Variants in CFAP96 observed in about 807,000 individuals in gnomAD.
The protein encoded by CFAP96 is cilia and flagella associated protein 96.
the CFAP96 span, among the ~76,000 whole-genome samples, chr4:185,435,315 G>A: frequency 6.6e-6 from 1 of 152,212 alleles, no homozygotes; most frequent in Non-Finnish European, 1.5e-5. Flanking sequence ...TAACTCAGAT[G>A]TATGAACAGT....
At chr4:185,413,605 G>T in the CFAP96 span, 1 of 990,944 alleles carries the variant, frequency 1.0e-6, no homozygotes, top group Non-Finnish European at 1.4e-6. Context: ...ACAGAGATGG[G>T]TGATAAATCA....
chr4:185,434,737 A>T, the CFAP96 span, among the ~76,000 whole-genome samples: 4 of 151,898 alleles, frequency 2.6e-5, no homozygotes, highest in East Asian at 7.7e-4. Flanking sequence ...GGCATTTATT[A>T]TATATATATT....
At chr4:185,432,207 T>G in the CFAP96 span, 1 of 1,548,806 alleles carries the variant, frequency 6.5e-7, no homozygotes, top group Non-Finnish European at 8.7e-7. Context: ...AAGCCGTAAG[T>G]GTTTTTTGGG....
the CFAP96 span, chr4:185,445,023 T>C: frequency 6.4e-7 from 1 of 1,551,620 alleles, no homozygotes; most frequent in Non-Finnish European, 8.7e-7. Flanking sequence ...CTGACCCTTA[T>C]GTGGCTAAAT....
chr4:185,419,145 T>C, the CFAP96 span, among the ~76,000 whole-genome samples: 1 of 152,128 alleles, frequency 6.6e-6, no homozygotes. Context: ...TTTTCTTTTT[T>C]TTTTGAGATG....
the CFAP96 span, among the ~76,000 whole-genome samples, chr4:185,408,733 T>C: frequency 7.7e-4 from 118 of 152,298 alleles, no homozygotes; most frequent in Non-Finnish European, 5.9e-5. Context: ...AGGGGCAATA[T>C]GACCTTGGAG....
the CFAP96 span, chr4:185,440,427 C>T: frequency 1.5e-6 from 1 of 669,124 alleles, no homozygotes; most frequent in Non-Finnish European, 2.4e-6. Context: ...AAAGTACACC[C>T]AGCAGGATAG....
the CFAP96 span, among the ~76,000 whole-genome samples, chr4:185,412,136 A>G: frequency 6.6e-6 from 1 of 152,222 alleles, no homozygotes; most frequent in Non-Finnish European, 1.5e-5. Flanking sequence ...TACAATTTGC[A>G]TATGTTATAT....
At chr4:185,438,979 C>T in the CFAP96 span, among the ~76,000 whole-genome samples, 4 of 152,170 alleles carry the variant, frequency 2.6e-5, no homozygotes, top group African/African-American at 4.8e-5. Context: ...TTTTCTCATA[C>T]GTCTGCTGAC....
At chr4:185,447,397 G>A in the CFAP96 span, among the ~76,000 whole-genome samples, 2 of 151,888 alleles carry the variant, frequency 1.3e-5, no homozygotes, top group African/African-American at 4.8e-5. Context: ...AGCCAGGATG[G>A]ACTTGATCTC....
chr4:185,418,927 G>C, the CFAP96 span, among the ~76,000 whole-genome samples: 1 of 152,126 alleles, frequency 6.6e-6, no homozygotes, highest in East Asian at 1.9e-4. Flanking sequence ...TTTTAAAAAA[G>C]TCTGTGAGAC....
At chr4:185,426,926 TG>T in the CFAP96 span, among the ~76,000 whole-genome samples, 1 of 135,072 alleles carries the variant, frequency 7.4e-6, no homozygotes, top group Non-Finnish European at 1.6e-5. Context: ...TAGCCGGGCA[TG>T]GTGGCGGGTG....
the CFAP96 span, among the ~76,000 whole-genome samples, chr4:185,410,945 C>A: frequency 0.011 from 1,209 of 113,476 alleles, no homozygotes; most frequent in Non-Finnish European, 0.012. Context: ...GACTCCATCT[C>A]AAAAAAAAAA....
the CFAP96 span, among the ~76,000 whole-genome samples, chr4:185,447,507 C>G: frequency 1.3e-5 from 2 of 152,150 alleles, no homozygotes; most frequent in African/African-American, 4.8e-5. Flanking sequence ...AAACATTTAT[C>G]TCAATATGTC....
the CFAP96 span, among the ~76,000 whole-genome samples, chr4:185,430,807 G>A: frequency 6.6e-6 from 1 of 151,914 alleles, no homozygotes; most frequent in East Asian, 1.9e-4. Flanking sequence ...GGAGGCTGCG[G>A]CAGGAAGTTA....
chr4:185,444,001 C>T, the CFAP96 span, among the ~76,000 whole-genome samples: 8 of 113,002 alleles, frequency 7.1e-5, no homozygotes, highest in African/African-American at 2.8e-4. Flanking sequence ...GGCCGGACTG[C>T]GGACTGCAGT....
the CFAP96 span, chr4:185,440,484 G>C: frequency 2.4e-5 from 26 of 1,104,028 alleles, no homozygotes; most frequent in Non-Finnish European, 2.7e-5. Context: ...TTAACTCTGG[G>C]TTATTTTCAA....
chr4:185,440,721 T>A, the CFAP96 span: 1 of 1,328,790 alleles, frequency 7.5e-7, no homozygotes. Flanking sequence ...GGTAAAAAGG[T>A]AAGTTTACAA....
chr4:185,441,037 G>A, the CFAP96 span, among the ~76,000 whole-genome samples: 133 of 151,532 alleles, frequency 8.8e-4, 1 homozygote, highest in African/African-American at 3.2e-3. Flanking sequence ...TGCAAGCTCC[G>A]CCTCTTGAGT....
Sources: allele counts gnomAD v4.1 joint callset (sites outside exome capture counted in the v4.1 genomes callset), GRCh38; gene constraint gnomAD v4.1.1; transcripts MANE v1.5; gene names NCBI Gene and HGNC (gene_info 2026-07-23, HGNC 2026-07-21).